The following CMSS1 variants were observed in gnomAD, a reference collection of about 807,000 sequenced individuals.
The protein encoded by CMSS1 is protein CMSS1.
CMSS1 carries 33 observed loss-of-function variants against 43.5 expected under a neutral mutation model. That is an observed-to-expected ratio of 0.76 (90% CI 0.57 to 1.01). CMSS1 has a LOEUF of 1.01. CMSS1 is among the 50% of genes least tolerant of loss of function. The probability of loss-of-function intolerance (pLI) is 0.00; values close to 1 mark genes in which losing one functional copy is unlikely to be tolerated. For missense variants in CMSS1, 313 were observed against 326.4 expected (o/e 0.96, Z 0.32); for synonymous variants, 115 against 117.2 (o/e 0.98, Z 0.12).
intron 1 of CMSS1, among the ~76,000 whole-genome samples, chr3:100,068,426 T>C (rs990903096): frequency 2.0e-5 from 3 of 152,042 alleles, no homozygotes; most frequent in African/African-American, 7.2e-5. Context: ...CACATTTAAC[T>C]ACAAAACATC....
chr3:99,841,846 G>A (rs1377464561), intron 1 of CMSS1, among the ~76,000 whole-genome samples: 1 of 152,178 alleles, frequency 6.6e-6, no homozygotes, highest in Non-Finnish European at 1.5e-5. Flanking sequence ...AGATGTTGGT[G>A]TGGATGTGGT....
intron 1 of CMSS1, among the ~76,000 whole-genome samples, chr3:100,014,800 T>G (rs1320231932): frequency 6.7e-6 from 1 of 149,826 alleles, no homozygotes; most frequent in Non-Finnish European, 1.5e-5. Context: ...GCATCTTCAT[T>G]CTATTGATTT....
chr3:99,924,773 C>T (rs558198849), intron 1 of CMSS1, among the ~76,000 whole-genome samples: 55 of 152,272 alleles, frequency 3.6e-4, no homozygotes, highest in African/African-American at 1.3e-3. Flanking sequence ...CTGCCTGCTT[C>T]GGCCTCCCAA....
intron 1 of CMSS1, among the ~76,000 whole-genome samples, chr3:100,118,536 A>G (rs1039412302): frequency 1.3e-5 from 2 of 152,154 alleles, no homozygotes; most frequent in African/African-American, 4.8e-5. Flanking sequence ...TGTTGTTTTA[A>G]TAGTTCATTT....
At chr3:99,832,291 C>T (rs1942698118) in intron 1 of CMSS1, among the ~76,000 whole-genome samples, 1 of 146,640 alleles carries the variant, frequency 6.8e-6, no homozygotes, top group Non-Finnish European at 1.5e-5. Context: ...AGTGCAGTGG[C>T]GCGATATCGG....
intron 7 of CMSS1, 64 bp downstream of exon 7, chr3:100,171,963 C>T: frequency 2.5e-6 from 3 of 1,181,960 alleles, no homozygotes; most frequent in Admixed American, 3.6e-5. Context: ...TCCTTTCAAC[C>T]TCTTCTCCTA....
intron 1 of CMSS1, among the ~76,000 whole-genome samples, chr3:100,036,874 A>G (rs984792537): frequency 2.0e-5 from 3 of 152,220 alleles, no homozygotes; most frequent in African/African-American, 7.2e-5. Context: ...AGTGAGAAAG[A>G]TACGTTATTT....
chr3:99,986,124 AAGAT>A (rs984199621), intron 1 of CMSS1, among the ~76,000 whole-genome samples: 9 of 152,230 alleles, frequency 5.9e-5, no homozygotes, highest in Non-Finnish European at 1.0e-4. Flanking sequence ...AAGAGGAAAA[AAGAT>A]AGAAAATCTA....
At chr3:100,172,525 G>T in intron 8 of CMSS1, 122 bp downstream of exon 8, 1 of 708,536 alleles carries the variant, frequency 1.4e-6, no homozygotes. Context: ...TTCAGGAATT[G>T]GAAACTCAGC....
intron 1 of CMSS1, among the ~76,000 whole-genome samples, chr3:99,999,912 G>A (rs1709793353): frequency 6.6e-6 from 1 of 152,078 alleles, no homozygotes; most frequent in Non-Finnish European, 1.5e-5. Flanking sequence ...CCTCCATATT[G>A]GACTATGGGC....
chr3:100,037,956 T>G lies in CMSS1; in HGVS notation c.65-109017T>G, dbSNP rs113273147. On this transcript the variant is annotated intron_variant, in intron 1 of 9. Coordinates refer to ENST00000421999, the MANE Select transcript of CMSS1 (RefSeq NM_032359.4). The stretch of plus-strand genomic sequence containing the variant: ...TCGCTTTTCTTTTTTTTTTTTTTTT[T>G]GGGGGGGGAGGGAACAGAGTCTCAA... Among the ~76,000 whole-genome samples, 699 of 87,866 alleles carry G rather than the reference T, an allele frequency of 8.0e-3. 2 individuals carry two copies. The highest frequency in any genetic ancestry group is 0.014 in the South Asian group (36 of 2,638). 57.6% of individuals were successfully genotyped at this position (87,866 alleles called of 152,430 possible). A position where few individuals can be genotyped will look rare whatever the true frequency, so the allele number is the denominator to read the frequency against.
intron 1 of CMSS1, among the ~76,000 whole-genome samples, chr3:100,087,854 T>TTTTG (rs2066038458): frequency 7.4e-6 from 1 of 134,268 alleles, no homozygotes; most frequent in African/African-American, 2.7e-5. Context: ...TTTTTTTTTT[T>TTTTG]GAGTCTCACT....
intron 1 of CMSS1, among the ~76,000 whole-genome samples, chr3:99,855,189 A>T (rs957786510): frequency 1.1e-4 from 16 of 152,004 alleles, no homozygotes; most frequent in Admixed American, 9.8e-4. Context: ...ATGACCACCC[A>T]TTTTTTTCAA....
intron 1 of CMSS1, chr3:99,876,056 G>A: frequency 2.0e-6 from 2 of 985,770 alleles, no homozygotes; most frequent in Non-Finnish European, 2.4e-6. Flanking sequence ...GAGCGAAGTT[G>A]CTCTCCCGGG....
rs913154265 is a variant in CMSS1 at position 100,126,053 on chromosome 3, A to G, written c.65-20920A>G. 2.6e-5 allele frequency among the ~76,000 whole-genome samples: 4 copies of G among 152,326 alleles called. 1 individual carries two copies. Among genetic ancestry groups the G allele is most frequent in the African/African-American group, 9.6e-5 (4 of 41,570 alleles). ...TCTGTATGATGATCTATGTATTCCT[A>G]TGCCACAGTGAGTGGCTTTGTCTCT... On this transcript the variant is annotated intron_variant, in intron 1 of 9. Coordinates refer to ENST00000421999, the MANE Select transcript of CMSS1 (RefSeq NM_032359.4).
At chr3:99,988,113 A>G (rs1227613437) in intron 1 of CMSS1, among the ~76,000 whole-genome samples, 1 of 152,130 alleles carries the variant, frequency 6.6e-6, no homozygotes, top group Non-Finnish European at 1.5e-5. Context: ...CTTCAGTTTC[A>G]ATAACTTTTT....
At chr3:100,157,693 C>A (rs903842299) in intron 2 of CMSS1, among the ~76,000 whole-genome samples, 1 of 152,168 alleles carries the variant, frequency 6.6e-6, no homozygotes, top group Non-Finnish European at 1.5e-5. Context: ...CCCTTTCTCC[C>A]CTGGCCCAGC....
intron 1 of CMSS1, among the ~76,000 whole-genome samples, chr3:99,971,833 A>G (rs942859661): frequency 8.5e-5 from 13 of 152,180 alleles, no homozygotes; most frequent in South Asian, 2.1e-4. Context: ...TGAATGAATA[A>G]TGACGTTGGG....
At chr3:99,861,049 TCA>T (rs1944226460) in intron 1 of CMSS1, among the ~76,000 whole-genome samples, 1 of 152,196 alleles carries the variant, frequency 6.6e-6, no homozygotes, top group Non-Finnish European at 1.5e-5. Flanking sequence ...CTCATTTTTC[TCA>T]CTTTTCTTTT....
Sources: gnomAD v4.1 joint callset for allele counts (sites outside exome capture counted in the v4.1 genomes callset) on GRCh38, gnomAD v4.1.1 for gene constraint, MANE v1.5 for transcripts, NCBI Gene and HGNC (gene_info 2026-07-23, HGNC 2026-07-21) for gene names.